TOP1: variants seen among roughly 807,000 people sequenced by gnomAD.
TOP1 encodes DNA topoisomerase I.
TOP1 carries 10 observed loss-of-function variants against 111.1 expected under a neutral mutation model. The ratio of observed to expected loss-of-function variants is 0.09; its 90% confidence interval spans 0.06 to 0.15. TOP1 has a LOEUF of 0.15. Among genes scored for constraint, TOP1 ranks in the 10% least tolerant of loss-of-function variants. The pLI is 1.00. For synonymous variants in TOP1, 271 were observed against 302.9 expected (o/e 0.89, Z 1.10); for missense variants, 474 against 926.7 (o/e 0.51, Z 6.34).
At chr20:41,038,589 G>C (rs2033218894) in intron 2 of TOP1, among the ~76,000 whole-genome samples, 4 of 152,192 alleles carry the variant, frequency 2.6e-5, no homozygotes, top group African/African-American at 4.8e-5. Flanking sequence ...TGGCTCAGGA[G>C]GGTACTGACT....
rs1323632007 is a variant in TOP1 at position 41,029,808 on chromosome 20, C to T, written c.58+353C>T. 2.9e-6 allele frequency: 1 copy of T among 349,920 alleles called. No individual in the cohort carries two copies. The highest frequency in any genetic ancestry group is 5.4e-6 in the Non-Finnish European group (1 of 186,352). The allele number at this position is 349,920 out of a possible 1,614,324, so 21.7% of individuals were successfully genotyped here. ...TTTCTCTCTCCTCTCCTTTCTGTGC[C>T]TGTGTCTCTTTCTCTCCCTCCCTCG... is the stretch of plus-strand genomic sequence containing the variant. On this transcript the variant is annotated intron_variant, in intron 2 of 20. Transcript: ENST00000361337. This position sits in a 1 kb window ranked among gnomAD's most constrained non-coding sequence, Gnocchi z 6.1.
Position 41,095,799 on chromosome 20 carries a change from T to C in TOP1, c.731-1421T>C, listed in dbSNP as rs1187286794. Among the ~76,000 whole-genome samples, 1 of 152,236 alleles carries C rather than the reference T, an allele frequency of 6.6e-6. No homozygotes were observed. The highest frequency in any genetic ancestry group is 1.5e-5 in the Non-Finnish European group (1 of 68,046). On this transcript the variant is annotated intron_variant, in intron 9 of 20. Coordinates refer to ENST00000361337, the MANE Select transcript of TOP1 (RefSeq NM_003286.4). The surrounding 1 kb of genome is among the most constrained non-coding windows in gnomAD (Gnocchi z 4.6). Reference sequence around the variant, plus strand: ...GTGTAATAGTAAGGTGGTGGAATTATAGTTAACCTCATTTTAAGTATAGCC... The same window carrying C: ...GTGTAATAGTAAGGTGGTGGAATTACAGTTAACCTCATTTTAAGTATAGCC...
rs1997833 is a variant in TOP1, at chr20:41,061,702, T to G, written c.155+212T>G. ...ATCAAGATGTATAAAGCAAGTATGT[T>G]TAATTTTCTTTTAATATATACCTCA... On this transcript the variant is annotated intron_variant, in intron 3 of 20. Coordinates refer to ENST00000361337, the MANE Select transcript of TOP1 (RefSeq NM_003286.4). This position sits in a 1 kb window ranked among gnomAD's most constrained non-coding sequence, Gnocchi z 4.6. 6.6e-6 allele frequency among the ~76,000 whole-genome samples: 1 copy of G among 152,038 alleles called. No homozygotes were observed. Among genetic ancestry groups the G allele is most frequent in the Non-Finnish European group, 1.5e-5 (1 of 68,000 alleles).
At chr20:41,081,033 C>A (rs540437400) in intron 6 of TOP1, 132 bp from the exon 7 acceptor site, 2 of 683,524 alleles carry the variant, frequency 2.9e-6, no homozygotes, top group African/African-American at 1.8e-5. Flanking sequence ...TAGTCTTGAC[C>A]GTAGAATGCC....
In TOP1 at chr20:41,097,416, C is replaced by CA; in HGVS notation, c.852+79dup. The CA allele has an allele frequency of 1.4e-6, 2 of 1,396,934 alleles. No individual in the cohort carries two copies. The highest frequency in any genetic ancestry group is 1.9e-6 in the Non-Finnish European group (2 of 1,037,996). The allele number at this position is 1,396,934 out of a possible 1,614,324, so 86.5% of individuals were successfully genotyped here. Reference sequence around the variant, plus strand: ...TACTAAGTAATAAATTATCATTTTGCAAAACATTTCCTGATGTAAAATTTG... The same window carrying CA: ...TACTAAGTAATAAATTATCATTTTGCAAAAACATTTCCTGATGTAAAATTTG... On this transcript the variant is annotated intron_variant, in intron 10 of 20. Transcript: ENST00000361337. This position sits in a 1 kb window ranked among gnomAD's most constrained non-coding sequence, Gnocchi z 4.2.
chr20:41,041,900 G>GATT (rs2033270767), intron 2 of TOP1, among the ~76,000 whole-genome samples: 2 of 151,642 alleles, frequency 1.3e-5, no homozygotes, highest in South Asian at 2.1e-4. Context: ...TGATGATGAT[G>GATT]ATGATGATTA....
At position 41,116,501 on chromosome 20, in the gene TOP1, TCAGA is replaced by T. The variant is rs2034332224; in HGVS notation, c.1822+112_1822+115del. 7 of 788,312 alleles carry T rather than the reference TCAGA, an allele frequency of 8.9e-6. No individual in the cohort carries two copies. The highest frequency in any genetic ancestry group is 8.3e-5 in the South Asian group (5 of 60,352). 48.8% of individuals were successfully genotyped at this position (788,312 alleles called of 1,614,324 possible). A position where few individuals can be genotyped will look rare whatever the true frequency, so the allele number is the denominator to read the frequency against. On this transcript the variant is annotated intron_variant, in intron 17 of 20. Transcript: ENST00000361337. This position sits in a 1 kb window ranked among gnomAD's most constrained non-coding sequence, Gnocchi z 5.6. Reference sequence around the variant, plus strand: ...CTACTTTTTTTCCCTACCATTGTGGTCAGACACTTTTTCCCTTTAGACCTCTAGT... The same window carrying T: ...CTACTTTTTTTCCCTACCATTGTGGTCACTTTTTCCCTTTAGACCTCTAGT...
Position 41,110,207 on chromosome 20 carries a change from C to T in TOP1, c.1309-2575C>T, listed in dbSNP as rs2034212857. Among the ~76,000 whole-genome samples the T allele has an allele frequency of 1.3e-5, 2 of 152,144 alleles. No individual in the cohort carries two copies. Among genetic ancestry groups the T allele is most frequent in the African/African-American group, 4.8e-5 (2 of 41,436 alleles). Reference sequence around the variant, plus strand: ...GGCTGAGACATGGGAATCGCTTGAACCTGAGGGGTAGAGGTTGCACTGAGC... The same window carrying T: ...GGCTGAGACATGGGAATCGCTTGAATCTGAGGGGTAGAGGTTGCACTGAGC... On this transcript the variant is annotated intron_variant, in intron 13 of 20. Coordinates refer to ENST00000361337, the MANE Select transcript of TOP1 (RefSeq NM_003286.4). This position sits in a 1 kb window ranked among gnomAD's most constrained non-coding sequence, Gnocchi z 4.2.
At position 41,082,663 on chromosome 20, in the gene TOP1, C is replaced by T. The variant is rs556670773; in HGVS notation, c.507+1423C>T. Among the ~76,000 whole-genome samples, 4 of 152,206 alleles carry T rather than the reference C, an allele frequency of 2.6e-5. No homozygotes were observed. The East Asian group carries it at 7.7e-4, about 29-fold the overall frequency. ...TCAGGTCCTGAATTTAGAAGGTTGC[C>T]GTTTTTTTGACAACTAGTCTATTCT... On this transcript the variant is annotated intron_variant, in intron 7 of 20. Transcript: ENST00000361337. This position sits in a 1 kb window ranked among gnomAD's most constrained non-coding sequence, Gnocchi z 4.1.
Position 41,112,638 on chromosome 20 carries a change from C to T in TOP1, c.1309-144C>T, listed in dbSNP as rs1365682625. Reference sequence around the variant, plus strand: ...CTTGGCTCACTGCAACCTCTGCCTCCTGCGTTCAAGCAATTCTTGTGTCTT... The same window carrying T: ...CTTGGCTCACTGCAACCTCTGCCTCTTGCGTTCAAGCAATTCTTGTGTCTT... On this transcript the variant is annotated intron_variant, in intron 13 of 20. Transcript: ENST00000361337. The surrounding 1 kb of genome is among the most constrained non-coding windows in gnomAD (Gnocchi z 5.8). 1.2e-6 allele frequency: 1 copy of T among 823,748 alleles called. No individual in the cohort carries two copies. The highest frequency in any genetic ancestry group is 1.8e-5 in the South Asian group (1 of 55,308). The allele number at this position is 823,748 out of a possible 1,614,324, so 51.0% of individuals were successfully genotyped here.
intron 3 of TOP1, chr20:41,072,339 C>T: frequency 1.0e-6 from 1 of 985,418 alleles, no homozygotes; most frequent in Non-Finnish European, 1.2e-6. Context: ...CTGCATTGGT[C>T]AGAATTTCCA....
At chr20:41,103,771 G>C (rs1317666287) in intron 13 of TOP1, among the ~76,000 whole-genome samples, 1 of 151,954 alleles carries the variant, frequency 6.6e-6, no homozygotes. Context: ...ATTTCAAAAG[G>C]CTACTTTATT....
rs938447335 is a variant in TOP1, at chr20:41,098,240, T to G, written c.878T>G (p.Ile293Ser). The G allele has an allele frequency of 3.7e-6, 6 of 1,613,792 alleles. No individual in the cohort carries two copies. The highest frequency in any genetic ancestry group is 5.1e-6 in the Non-Finnish European group (6 of 1,179,858). Residue 293 changes from isoleucine (I) to serine (S), a missense_variant, in exon 11 of 21, where the codon ATT becomes AGT. Physicochemically the swap from Ile to Ser is moderately radical, Grantham distance 142 (BLOSUM62 -2). Transcript: ENST00000361337. This position sits in a 1 kb window ranked among gnomAD's most constrained non-coding sequence, Gnocchi z 5.7. ...GAAATGACTAATGAAGAGAAGAATA[T>G]TATCACCAACCTAAGCAAATGTGAT... ...RKEMTNEEKNIITNLSKCDFT... is the reference protein window; with the variant it reads ...RKEMTNEEKNSITNLSKCDFT...
At chr20:41,063,887 T>G (rs2033576102) in intron 3 of TOP1, among the ~76,000 whole-genome samples, 1 of 152,206 alleles carries the variant, frequency 6.6e-6, no homozygotes, top group Non-Finnish European at 1.5e-5. Flanking sequence ...TTCTGTAAGT[T>G]GTCTGTTAAC....
rs767039180 is a variant in TOP1 at position 41,116,160 on chromosome 20, C to T, written c.1708-118C>T. 7 of 649,188 alleles carry T rather than the reference C, an allele frequency of 1.1e-5. No individual in the cohort carries two copies. Among genetic ancestry groups the T allele is most frequent in the Non-Finnish European group, 1.9e-5 (7 of 363,884 alleles). 40.2% of individuals were successfully genotyped at this position (649,188 alleles called of 1,614,324 possible). On this transcript the variant is annotated intron_variant, in intron 16 of 20. Transcript: ENST00000361337. This position sits in a 1 kb window ranked among gnomAD's most constrained non-coding sequence, Gnocchi z 5.6. Reference sequence around the variant, plus strand: ...CTTTTCCTCTTTCCCTAACTTCCCACTTGTAGGGCAATAAACTTGACAAGA... The same window carrying T: ...CTTTTCCTCTTTCCCTAACTTCCCATTTGTAGGGCAATAAACTTGACAAGA...
intron 17 of TOP1, among the ~76,000 whole-genome samples, chr20:41,117,380 A>ATTTTTTTTT (rs1192075214): frequency 2.3e-5 from 2 of 85,530 alleles, no homozygotes; most frequent in Non-Finnish European, 4.2e-5. Context: ...CTGTGGCTTA[A>ATTTTTTTTT]TTTTTTTTTT....
In TOP1 at chr20:41,067,258, T is replaced by C. The variant is rs1163925407; in HGVS notation, c.155+5768T>C. On this transcript the variant is annotated intron_variant, in intron 3 of 20. Transcript: ENST00000361337. This position sits in a 1 kb window ranked among gnomAD's most constrained non-coding sequence, Gnocchi z 4.0. ...CCTCAGCCTCCCGAGTAGCTGGGAC[T>C]TACAGGCGCCTGCCACCACGCCGAG... 6.6e-6 allele frequency among the ~76,000 whole-genome samples: 1 copy of C among 151,964 alleles called. No homozygotes were observed. The highest frequency in any genetic ancestry group is 2.4e-5 in the African/African-American group (1 of 41,394).
intron 2 of TOP1, among the ~76,000 whole-genome samples, chr20:41,040,622 A>T (rs1005595391): frequency 2.6e-4 from 39 of 151,890 alleles, no homozygotes; most frequent in East Asian, 1.9e-3. Flanking sequence ...TTTGATTTTT[A>T]AAAAAAACCT....
rs2033674175 is a variant in TOP1, at chr20:41,071,970, C to T, written c.156-4201C>T. On this transcript the variant is annotated intron_variant, in intron 3 of 20. Transcript: ENST00000361337. This position sits in a 1 kb window ranked among gnomAD's most constrained non-coding sequence, Gnocchi z 4.3. ...CTGTATTTTTGTCCTTCAGCATATC[C>T]CAGACTAAACTTACTCTTAAAATAT... Among the ~76,000 whole-genome samples, 1 of 152,148 alleles carries T rather than the reference C, an allele frequency of 6.6e-6. No individual in the cohort carries two copies.
Sources: allele counts gnomAD v4.1 joint callset (sites outside exome capture counted in the v4.1 genomes callset), GRCh38; gene constraint gnomAD v4.1.1; non-coding constraint Gnocchi (gnomAD v3.1); transcripts MANE v1.5; gene names NCBI Gene and HGNC (gene_info 2026-07-23, HGNC 2026-07-21).